Variants in NOCT observed in about 807,000 individuals in gnomAD.
NOCT encodes nocturnin, also known as CCR4 carbon catabolite repression 4-like.
A neutral mutation model predicts 35.0 loss-of-function variants in NOCT; 18 were observed. That is an observed-to-expected ratio of 0.51 (90% CI 0.36 to 0.76). NOCT has a LOEUF of 0.76. NOCT is among the 30% of genes least tolerant of loss of function. The pLI, the probability that NOCT is intolerant of heterozygous loss-of-function variation, is 0.01. For synonymous variants in NOCT, 235 were observed against 226.3 expected, an observed-to-expected ratio of 1.04 and a Z score of -0.34; for missense variants, 479 against 541.0, an observed-to-expected ratio of 0.89 and a Z score of 1.14.
chr4:139,037,016 C>T (rs1442397660), intron 1 of NOCT, among the ~76,000 whole-genome samples: 2 of 152,186 alleles, frequency 1.3e-5, no homozygotes, highest in Non-Finnish European at 1.5e-5. Flanking sequence ...TCTGTCCTAA[C>T]TTCATGCTCA....
rs773818975 is a variant in NOCT at position 139,015,938 on chromosome 4, G to A, written c.-44G>A. Reference sequence around the variant, plus strand: ...GTGCCCTCGGCCCCAGCCGGGCTCCGCTCCTCGGGCGCGCGAGGGGCCGTG... The same window carrying A: ...GTGCCCTCGGCCCCAGCCGGGCTCCACTCCTCGGGCGCGCGAGGGGCCGTG... On this transcript the variant is annotated 5_prime_UTR_variant, in exon 1 of 3. Transcript: ENST00000280614. The A allele has an allele frequency of 2.3e-6, 3 of 1,297,448 alleles. No individual in the cohort carries two copies. Among genetic ancestry groups the A allele is most frequent in the South Asian group, 2.1e-5 (1 of 47,256 alleles). The allele number at this position is 1,297,448 out of a possible 1,614,324, so 80.4% of individuals were successfully genotyped here.
At chr4:139,034,720 C>T (rs939122692) in intron 1 of NOCT, among the ~76,000 whole-genome samples, 3 of 151,852 alleles carry the variant, frequency 2.0e-5, no homozygotes, top group African/African-American at 4.8e-5. Flanking sequence ...TACAGGCATG[C>T]GCCACCACAC....
In NOCT at chr4:139,045,517, T is replaced by TTTC. The variant is rs1221486890; in HGVS notation, c.*45_*46insCTT. ...TTTAATCACAGGAGTCTATTTTTTT[T>TTTC]TTTTTTTTTTTTTTTTTGAGACAGA... On this transcript the variant is annotated 3_prime_UTR_variant, in exon 3 of 3. Transcript: ENST00000280614. 1 of 995,908 alleles carries TTTC rather than the reference T, an allele frequency of 1.0e-6. No homozygotes were observed. The highest frequency in any genetic ancestry group is 1.9e-5 in the African/African-American group (1 of 51,782). The allele number at this position is 995,908 out of a possible 1,614,324, so 61.7% of individuals were successfully genotyped here. A position where few individuals can be genotyped will look rare whatever the true frequency, so the allele number is the denominator to read the frequency against.
intron 1 of NOCT, among the ~76,000 whole-genome samples, chr4:139,026,862 C>CTTTTTTTTTTTT (rs1165378672): frequency 1.1e-4 from 13 of 120,332 alleles, no homozygotes; most frequent in East Asian, 2.6e-4. Flanking sequence ...TTTTTTTTTT[C>CTTTTTTTTTTTT]TTTTTTTTTT....
intron 1 of NOCT, among the ~76,000 whole-genome samples, chr4:139,041,763 TTACTC>T (rs1726835398): frequency 6.6e-6 from 1 of 152,202 alleles, no homozygotes; most frequent in Non-Finnish European, 1.5e-5. Flanking sequence ...CAAAATCAGC[TTACTC>T]TAAGCCCTTC....
chr4:139,021,782 C>T (rs868324761), intron 1 of NOCT, among the ~76,000 whole-genome samples: 33 of 137,374 alleles, frequency 2.4e-4, no homozygotes, highest in African/African-American at 8.7e-4. Flanking sequence ...TTTTTTTAGA[C>T]AGTTTTGCTC....
intron 1 of NOCT, among the ~76,000 whole-genome samples, chr4:139,030,966 GC>G (rs1468559939): frequency 6.6e-6 from 1 of 152,094 alleles, no homozygotes; most frequent in Non-Finnish European, 1.5e-5. Context: ...GATAATCCTG[GC>G]TTTTGCTTGG....
intron 1 of NOCT, among the ~76,000 whole-genome samples, chr4:139,017,096 C>T (rs1202464438): frequency 6.6e-6 from 1 of 151,144 alleles, no homozygotes; most frequent in Non-Finnish European, 1.5e-5. Flanking sequence ...TAATAACTAC[C>T]CTGAGTTTTC....
At position 139,015,962 on chromosome 4, in the gene NOCT, T is replaced by C; in HGVS notation, c.-20T>C. The C allele has an allele frequency of 4.5e-6, 6 of 1,334,248 alleles. No individual in the cohort carries two copies. The highest frequency in any genetic ancestry group is 5.7e-6 in the Non-Finnish European group (6 of 1,047,344). The allele number at this position is 1,334,248 out of a possible 1,614,324, so 82.7% of individuals were successfully genotyped here. On this transcript the variant is annotated 5_prime_UTR_variant, in exon 1 of 3. Coordinates refer to ENST00000280614, the MANE Select transcript of NOCT (RefSeq NM_012118.4). ...CGCTCCTCGGGCGCGCGAGGGGCCG[T>C]GGTGGCGGCGGCGCCCGGCATGTTT...
intron 1 of NOCT, among the ~76,000 whole-genome samples, chr4:139,040,068 T>A (rs1353502143): frequency 8.0e-6 from 1 of 124,950 alleles, no homozygotes; most frequent in African/African-American, 3.1e-5. Context: ...TGAGACGGAG[T>A]CTCGGTCTGT....
chr4:139,035,267 T>G (rs752771612), intron 1 of NOCT, among the ~76,000 whole-genome samples: 12 of 152,120 alleles, frequency 7.9e-5, no homozygotes, highest in Non-Finnish European at 1.3e-4. Flanking sequence ...GGACTACCAG[T>G]GCACACCACT....
In NOCT at chr4:139,027,051, A is replaced by AT. The variant is rs59343182; in HGVS notation, c.190+10890dup. Among the ~76,000 whole-genome samples the AT allele has an allele frequency of 2.8e-3, 19 of 6,736 alleles. 9 individuals are homozygous for AT. In the South Asian group the frequency reaches 0.12, roughly 42 times the overall value. 4.4% of individuals were successfully genotyped at this position (6,736 alleles called of 152,430 possible). Reference sequence around the variant, plus strand: ...CTACCACGCCCGGCTAATTTTTTGTATTTTTTTTTTAGTAGTGACGGGGTT... The same window carrying AT: ...CTACCACGCCCGGCTAATTTTTTGTATTTTTTTTTTTAGTAGTGACGGGGTT... On this transcript the variant is annotated intron_variant, in intron 1 of 2. Transcript: ENST00000280614.
At chr4:139,035,667 T>A (rs1306285991) in intron 1 of NOCT, among the ~76,000 whole-genome samples, 9 of 152,320 alleles carry the variant, frequency 5.9e-5, no homozygotes, top group Admixed American at 2.6e-4. Flanking sequence ...AGTGATATTT[T>A]CAAAATGTCA....
intron 1 of NOCT, among the ~76,000 whole-genome samples, chr4:139,023,416 A>G (rs1726451540): frequency 6.6e-6 from 1 of 152,212 alleles, no homozygotes; most frequent in Non-Finnish European, 1.5e-5. Context: ...ATTATCATTG[A>G]AGGTCTGCTG....
Position 139,016,038 on chromosome 4 carries a change from CCTGCGCCGCCTGCCCGCCCCAGGG to C in NOCT, c.68_91del (p.Leu23_Arg30del). 2.2e-6 allele frequency: 3 copies of C among 1,391,208 alleles called. No individual in the cohort carries two copies. The highest frequency in any genetic ancestry group is 5.7e-5 in the Admixed American group (2 of 35,292). The allele number at this position is 1,391,208 out of a possible 1,614,324, so 86.2% of individuals were successfully genotyped here. ...CCCTGCTGCAGAGGGACGCGCCCGGCCTGCGCCGCCTGCCCGCCCCAGGGCTGCGCCGCCCGTTGTCCCCGCCGG... is the reference window on the plus strand; with the variant it reads ...CCCTGCTGCAGAGGGACGCGCCCGGCCTGCGCCGCCCGTTGTCCCCGCCGG... On this transcript the variant is annotated inframe_deletion, in exon 1 of 3. Coordinates refer to ENST00000280614, the MANE Select transcript of NOCT (RefSeq NM_012118.4).
chr4:139,039,073 A>G (rs1203958335), intron 1 of NOCT, among the ~76,000 whole-genome samples: 1 of 149,384 alleles, frequency 6.7e-6, no homozygotes, highest in African/African-American at 2.5e-5. Context: ...GTGGTGGCTC[A>G]TGCCTGTAAT....
intron 1 of NOCT, among the ~76,000 whole-genome samples, chr4:139,042,862 C>T (rs1048817850): frequency 8.1e-5 from 12 of 148,776 alleles, no homozygotes; most frequent in African/African-American, 2.7e-4. Context: ...TGCGGTGAGC[C>T]GAGATTGTGC....
chr4:139,036,792 C>T (rs1194165508), intron 1 of NOCT, among the ~76,000 whole-genome samples: 3 of 152,294 alleles, frequency 2.0e-5, no homozygotes, highest in Admixed American at 1.3e-4. Context: ...AATTAACATA[C>T]AGCAGAGAGA....
chr4:139,029,528 G>A (rs1414690177), intron 1 of NOCT, among the ~76,000 whole-genome samples: 1 of 152,228 alleles, frequency 6.6e-6, no homozygotes, highest in South Asian at 2.1e-4. Flanking sequence ...CTCAATAACA[G>A]ACTTGGAGAC....
Sources: allele counts gnomAD v4.1 joint callset (sites outside exome capture counted in the v4.1 genomes callset), GRCh38; gene constraint gnomAD v4.1.1; transcripts MANE v1.5; gene names NCBI Gene and HGNC (gene_info 2026-07-23, HGNC 2026-07-21).